ZDHHC20: variants seen among roughly 807,000 people sequenced by gnomAD.
ZDHHC20 encodes the protein palmitoyltransferase ZDHHC20.
Under a neutral mutation model 57.8 loss-of-function variants are expected in ZDHHC20, and 43 were observed. The observed-to-expected ratio is 0.74, with a 90% CI of 0.58 to 0.96. The LOEUF (loss-of-function observed/expected upper bound fraction) is 0.96. ZDHHC20 is among the 40% of genes least tolerant of loss of function. ZDHHC20 has a pLI of 0.00. For missense variants in ZDHHC20, 391 were observed against 441.1 expected (o/e 0.89, Z 1.02); for synonymous variants, 157 against 153.0 (o/e 1.03, Z -0.19).
chr13:21,402,776 A>G (rs375631123), intron 5 of ZDHHC20, 21 bp downstream of exon 5: 12 of 1,580,704 alleles, frequency 7.6e-6, no homozygotes, highest in Non-Finnish European at 1.0e-5. Flanking sequence ...GATATTAAGC[A>G]TATGTGTGAG....
chr13:21,425,439 A>C (rs1881143031), intron 2 of ZDHHC20, among the ~76,000 whole-genome samples: 1 of 152,184 alleles, frequency 6.6e-6, no homozygotes, highest in Non-Finnish European at 1.5e-5. Flanking sequence ...TGTCTACTTT[A>C]ATTTACATAA....
intron 9 of ZDHHC20, among the ~76,000 whole-genome samples, chr13:21,383,379 A>G (rs1319024451): frequency 6.6e-6 from 1 of 152,192 alleles, no homozygotes; most frequent in Non-Finnish European, 1.5e-5. Flanking sequence ...GCCACCATAT[A>G]AAACGTGAGT....
chr13:21,428,750 C>T (rs1881579899), intron 1 of ZDHHC20, among the ~76,000 whole-genome samples: 1 of 151,844 alleles, frequency 6.6e-6, no homozygotes, highest in East Asian at 2.0e-4. Context: ...GTCCCAGCTA[C>T]TCAGGAGGAT....
intron 6 of ZDHHC20, among the ~76,000 whole-genome samples, 196 bp downstream of exon 6, chr13:21,401,457 A>G (rs1877613040): frequency 6.6e-6 from 1 of 152,164 alleles, no homozygotes; most frequent in Non-Finnish European, 1.5e-5. Context: ...ATACATTGTT[A>G]TTTGGGTTAA....
chr13:21,391,641 C>A, intron 8 of ZDHHC20, 81 bp downstream of exon 8: 1 of 1,437,820 alleles, frequency 7.0e-7, no homozygotes, highest in Non-Finnish European at 9.4e-7. Flanking sequence ...TCTGTATCAT[C>A]TGACCCTTGT....
intron 4 of ZDHHC20, among the ~76,000 whole-genome samples, chr13:21,406,649 C>A (rs984959552): frequency 2.5e-4 from 38 of 151,900 alleles, no homozygotes; most frequent in African/African-American, 9.2e-4. Flanking sequence ...GTTTTCTGCT[C>A]CTGTGTTAGT....
At chr13:21,378,561 A>T in intron 12 of ZDHHC20, 100 bp downstream of exon 12, 1 of 593,812 alleles carries the variant, frequency 1.7e-6, no homozygotes, top group Non-Finnish European at 2.5e-6. Flanking sequence ...TTGCTGATAT[A>T]ATTAAAAAGA....
At chr13:21,404,410 T>C (rs1209302160) in intron 4 of ZDHHC20, 7 of 458,500 alleles carry the variant, frequency 1.5e-5, no homozygotes, top group Non-Finnish European at 2.2e-5. Flanking sequence ...ATTTTGGTTT[T>C]TGACAACCCT....
intron 1 of ZDHHC20, among the ~76,000 whole-genome samples, chr13:21,446,656 T>C (rs1041105078): frequency 1.3e-5 from 2 of 152,246 alleles, no homozygotes; most frequent in African/African-American, 4.8e-5. Context: ...CTTTATTCTT[T>C]ATTATATCAG....
intron 4 of ZDHHC20, among the ~76,000 whole-genome samples, chr13:21,407,582 A>C (rs1338655976): frequency 6.6e-6 from 1 of 152,064 alleles, no homozygotes; most frequent in Non-Finnish European, 1.5e-5. Context: ...TTGCCTGTTC[A>C]CTCTGATGAT....
rs542169538 is a variant in ZDHHC20 at position 21,451,029 on chromosome 13, T to C, written c.118+8025A>G. Among the ~76,000 whole-genome samples, 15 of 152,340 alleles carry C rather than the reference T, an allele frequency of 9.8e-5. No individual in the cohort carries two copies. In the South Asian group the frequency reaches 1.7e-3, roughly 17 times the overall value. On this transcript the variant is annotated intron_variant, in intron 1 of 12. Coordinates refer to ENST00000400590, the MANE Select transcript of ZDHHC20 (RefSeq NM_001330059.2). ...TGGGCTTCCCAAAGTACTGAAATTA[T>C]AGGCATGAATCACCATGCCTGGCCA...
At chr13:21,457,028 C>T (rs930109260) in intron 1 of ZDHHC20, among the ~76,000 whole-genome samples, 4 of 152,186 alleles carry the variant, frequency 2.6e-5, no homozygotes, top group African/African-American at 9.7e-5. Flanking sequence ...TGTAGAGATA[C>T]CTATGCTGTG....
intron 4 of ZDHHC20, 90 bp from the exon 5 acceptor site, chr13:21,402,956 C>T: frequency 1.1e-6 from 1 of 952,162 alleles, no homozygotes; most frequent in South Asian, 1.5e-5. Context: ...AAAAATAACT[C>T]TGGGTAATTG....
chr13:21,433,959 GTTTT>G (rs771161334), intron 1 of ZDHHC20, among the ~76,000 whole-genome samples: 1 of 152,190 alleles, frequency 6.6e-6, no homozygotes, highest in East Asian at 1.9e-4. Context: ...ATATGTTTTA[GTTTT>G]TTTATTGACC....
chr13:21,383,550 A>G (rs1351306235), intron 9 of ZDHHC20, among the ~76,000 whole-genome samples: 1 of 152,188 alleles, frequency 6.6e-6, no homozygotes, highest in African/African-American at 2.4e-5. Flanking sequence ...CTTTTCTTTT[A>G]TAATTTACAT....
At chr13:21,434,382 T>G (rs1165174875) in intron 1 of ZDHHC20, among the ~76,000 whole-genome samples, 3 of 152,212 alleles carry the variant, frequency 2.0e-5, no homozygotes, top group African/African-American at 7.2e-5. Context: ...GAATAATTTT[T>G]TCATATATTC....
Position 21,376,692 on chromosome 13 carries a change from ATTTT to A in ZDHHC20, c.*41-41_*41-38del, listed in dbSNP as rs556461547. 53 of 1,315,296 alleles carry A rather than the reference ATTTT, an allele frequency of 4.0e-5. 1 individual carries two copies. The South Asian group carries it at 6.6e-4, about 16-fold the overall frequency. The allele number at this position is 1,315,296 out of a possible 1,614,324, so 81.5% of individuals were successfully genotyped here. A position where few individuals can be genotyped will look rare whatever the true frequency, so the allele number is the denominator to read the frequency against. On this transcript the variant is annotated intron_variant, in intron 12 of 12. Transcript: ENST00000400590. ...GAAACAAATTATTGGTTAAAACTTG[ATTTT>A]TTATTTCTGAAAATATTTACTAAAT...
chr13:21,438,675 T>C (rs981738458), intron 1 of ZDHHC20, among the ~76,000 whole-genome samples: 3 of 152,348 alleles, frequency 2.0e-5, no homozygotes, highest in Non-Finnish European at 4.4e-5. Context: ...TGATAAAGTA[T>C]CAGCAGGGTT....
At chr13:21,441,138 A>C (rs1433305052) in intron 1 of ZDHHC20, among the ~76,000 whole-genome samples, 1 of 152,152 alleles carries the variant, frequency 6.6e-6, no homozygotes, top group East Asian at 1.9e-4. Context: ...GAAACAAAAA[A>C]ATGTTTACTG....
Sources: gnomAD v4.1 joint callset for allele counts (sites outside exome capture counted in the v4.1 genomes callset) on GRCh38, gnomAD v4.1.1 for gene constraint, MANE v1.5 for transcripts, NCBI Gene and HGNC (gene_info 2026-07-23, HGNC 2026-07-21) for gene names.